Variants in DARS1 observed in about 807,000 individuals in gnomAD.
The protein encoded by DARS1 is aspartyl-tRNA synthetase 1.
DARS1 carries 51 observed loss-of-function variants against 68.8 expected under a neutral mutation model. The ratio of observed to expected loss-of-function variants is 0.74; its 90% CI spans 0.59 to 0.94. DARS1 has a LOEUF of 0.94. Among genes scored for constraint, DARS1 ranks in the 40% least tolerant of loss-of-function variants. The pLI is 0.00. For synonymous variants in DARS1, 203 were observed against 190.4 expected, an observed-to-expected ratio of 1.07 and a Z score of -0.55; for missense variants, 607 against 597.3, an observed-to-expected ratio of 1.02 and a Z score of -0.17.
intron 5 of DARS1, among the ~76,000 whole-genome samples, chr2:135,935,126 G>A (rs1681439319): frequency 1.3e-5 from 2 of 152,024 alleles, no homozygotes. Context: ...CAGCGCCACT[G>A]CCACTGCCAC....
intron 3 of DARS1, among the ~76,000 whole-genome samples, chr2:135,970,808 G>A (rs1439954041): frequency 6.6e-6 from 1 of 151,960 alleles, no homozygotes; most frequent in African/African-American, 2.4e-5. Context: ...AAAGATTAGT[G>A]GCTACTATAA....
intron 3 of DARS1, among the ~76,000 whole-genome samples, chr2:135,965,581 A>G (rs142122837): frequency 6.6e-6 from 1 of 152,238 alleles, no homozygotes; most frequent in Admixed American, 6.5e-5. Context: ...ATTATTACTC[A>G]ATGCTTGGGA....
intron 11 of DARS1, among the ~76,000 whole-genome samples, chr2:135,916,007 ATGTAAG>A (rs1414648788): frequency 1.9e-4 from 29 of 152,222 alleles, no homozygotes; most frequent in Admixed American, 1.7e-3. Context: ...AGTTAATAAA[ATGTAAG>A]TGTATCAGGT....
At chr2:135,921,309 G>A (rs1020847104) in intron 9 of DARS1, among the ~76,000 whole-genome samples, 3 of 151,674 alleles carry the variant, frequency 2.0e-5, no homozygotes, top group African/African-American at 4.8e-5. Context: ...TTATGCTTTC[G>A]TAAGTTAATC....
At chr2:135,920,840 G>A (rs1349488636) in intron 9 of DARS1, among the ~76,000 whole-genome samples, 3 of 151,986 alleles carry the variant, frequency 2.0e-5, no homozygotes, top group Non-Finnish European at 4.4e-5. Context: ...AGAGGTTCAT[G>A]AGAACCCTGG....
At position 135,985,596 on chromosome 2, in the gene DARS1, A is replaced by T; in HGVS notation, c.-128T>A. 6.5e-7 allele frequency: 1 copy of T among 1,541,154 alleles called. No individual in the cohort carries two copies. Among genetic ancestry groups the T allele is most frequent in the Non-Finnish European group, 8.8e-7 (1 of 1,139,138 alleles). ...CTGGGGTCTCAGCACACGCGCTCGG[A>T]CTCCGCGTGGAGGTGCGGCTCCAGA... is the stretch of plus-strand genomic sequence containing the variant. On this transcript the variant is annotated 5_prime_UTR_variant, in exon 1 of 16. Transcript: ENST00000264161.
At chr2:135,956,744 T>C (rs1681985251) in intron 4 of DARS1, among the ~76,000 whole-genome samples, 1 of 152,146 alleles carries the variant, frequency 6.6e-6, no homozygotes, top group Non-Finnish European at 1.5e-5. Context: ...ATTTAAATCA[T>C]TCTTTAAACC....
chr2:135,965,418 C>T (rs1009197033), intron 3 of DARS1, among the ~76,000 whole-genome samples: 2 of 151,892 alleles, frequency 1.3e-5, no homozygotes, highest in Admixed American at 1.3e-4. Flanking sequence ...AACAGATAAT[C>T]TGAAGGAACA....
intron 3 of DARS1, among the ~76,000 whole-genome samples, chr2:135,972,524 T>C (rs1383684204): frequency 1.3e-5 from 2 of 152,174 alleles, no homozygotes; most frequent in African/African-American, 4.8e-5. Flanking sequence ...GGCAAAAATT[T>C]CTTGAGTAAT....
intron 3 of DARS1, among the ~76,000 whole-genome samples, chr2:135,972,837 T>C (rs891375512): frequency 1.3e-5 from 2 of 152,228 alleles, no homozygotes; most frequent in Admixed American, 1.3e-4. Context: ...TCATCATCAC[T>C]GATCTTCAGA....
At chr2:135,907,679 C>A (rs553902358) in intron 15 of DARS1, among the ~76,000 whole-genome samples, 1 of 152,104 alleles carries the variant, frequency 6.6e-6, no homozygotes, top group African/African-American at 2.4e-5. Context: ...TGAACAAAAT[C>A]TATGATGTAA....
At chr2:135,979,231 G>A (rs773054481) in intron 3 of DARS1, 43 bp downstream of exon 3, 23 of 870,754 alleles carry the variant, frequency 2.6e-5, no homozygotes, top group South Asian at 1.8e-4. Flanking sequence ...CAAAAAATTC[G>A]GAGTCCTTAC....
intron 3 of DARS1, among the ~76,000 whole-genome samples, chr2:135,978,158 AAAAAAAAG>A (rs1253585500): frequency 3.5e-3 from 528 of 150,032 alleles, no homozygotes; most frequent in Middle Eastern, 0.017. Context: ...AAAAAAAAAA[AAAAAAAAG>A]AAAAAAAGAA....
At chr2:135,908,497 C>A (rs1017816136) in intron 15 of DARS1, among the ~76,000 whole-genome samples, 1 of 152,186 alleles carries the variant, frequency 6.6e-6, no homozygotes, top group Non-Finnish European at 1.5e-5. Context: ...ATACTGTCTT[C>A]CACAATGGTT....
intron 7 of DARS1, among the ~76,000 whole-genome samples, chr2:135,926,500 G>A (rs1354033391): frequency 6.6e-6 from 1 of 151,986 alleles, no homozygotes; most frequent in Non-Finnish European, 1.5e-5. Flanking sequence ...TTCCACCTAG[G>A]ATTTACATAC....
rs920053676 is a variant in DARS1 at position 135,906,357 on chromosome 2, C to T, written c.*959G>A. On this transcript the variant is annotated 3_prime_UTR_variant, in exon 16 of 16. Coordinates refer to ENST00000264161, the MANE Select transcript of DARS1 (RefSeq NM_001349.4). ...AAAGTGTTTCTAACTAATTCTTACA[C>T]AAAAATTTCTTTTTGACGGATAAGA... 3.3e-5 allele frequency among the ~76,000 whole-genome samples: 5 copies of T among 152,132 alleles called. No homozygotes were observed. Among genetic ancestry groups the T allele is most frequent in the African/African-American group, 1.2e-4 (5 of 41,440 alleles).
At position 135,924,489 on chromosome 2, in the gene DARS1, T is replaced by C. The variant is rs1178648679; in HGVS notation, c.574A>G (p.Ser192Gly). Residue 192 changes from serine (S) to glycine (G), a missense_variant, in exon 8 of 16, where the codon AGT becomes GGT. Coordinates refer to ENST00000264161, the MANE Select transcript of DARS1 (RefSeq NM_001349.4). ...NRVIDLRTST[S>G]QAVFRLQSGI... is the part of the protein sequence containing the mutation. ...GACTGGAGACGGAAGACTGCCTGAC[T>C]AGTTGATGTCTAGAAGACAGTAATA... The C allele has an allele frequency of 2.5e-6, 4 of 1,605,842 alleles. No individual in the cohort carries two copies. The highest frequency in any genetic ancestry group is 3.4e-6 in the Non-Finnish European group (4 of 1,177,608).
rs1194558586 is a variant in DARS1 at position 135,961,644 on chromosome 2, T to A, written c.218-146A>T. 5.8e-6 allele frequency: 3 copies of A among 520,028 alleles called. No individual in the cohort carries two copies. The East Asian group carries it at 9.2e-5, about 16-fold the overall frequency. The allele number at this position is 520,028 out of a possible 1,614,324, so 32.2% of individuals were successfully genotyped here. A position where few individuals can be genotyped will look rare whatever the true frequency, so the allele number is the denominator to read the frequency against. ...TGCATGTGTATACTATCCATTTGGC[T>A]TCCACAGACAAAATACTCACACTCA... On this transcript the variant is annotated intron_variant, in intron 3 of 15. Transcript: ENST00000264161.
chr2:135,924,341 G>T, intron 8 of DARS1, 46 bp downstream of exon 8: 1 of 1,524,684 alleles, frequency 6.6e-7, no homozygotes, highest in South Asian at 1.3e-5. Flanking sequence ...ACTCTGGGGA[G>T]AGCAAATTTA....
Sources: gnomAD v4.1 joint callset for allele counts (sites outside exome capture counted in the v4.1 genomes callset) on GRCh38, gnomAD v4.1.1 for gene constraint, MANE v1.5 for transcripts, NCBI Gene and HGNC (gene_info 2026-07-23, HGNC 2026-07-21) for gene names.